The following CTNNA3 variants were observed in gnomAD, a reference collection of about 807,000 sequenced individuals.
CTNNA3 encodes catenin alpha-3.
Under a neutral mutation model 95.7 loss-of-function variants are expected in CTNNA3, and 76 were observed. The ratio of observed to expected loss-of-function variants is 0.79; its 90% confidence interval spans 0.66 to 0.96. The LOEUF (loss-of-function observed/expected upper bound fraction) is 0.96, where lower values mean the gene tolerates loss of function less well. Among genes scored for constraint, CTNNA3 ranks in the 40% least tolerant of loss-of-function variants. The pLI is 0.00. For missense variants in CTNNA3, 1,191 were observed against 1,089.8 expected, an observed-to-expected ratio of 1.09 and a Z score of -1.31; for synonymous variants, 431 against 374.4, an observed-to-expected ratio of 1.15 and a Z score of -1.74.
At chr10:66,942,001 G>T (rs1248660279) in intron 7 of CTNNA3, among the ~76,000 whole-genome samples, 1 of 152,196 alleles carries the variant, frequency 6.6e-6, no homozygotes, top group East Asian at 1.9e-4. Context: ...TAGACCTGAA[G>T]TTAAATAAAC....
At chr10:67,110,751 G>A (rs553073863) in intron 7 of CTNNA3, among the ~76,000 whole-genome samples, 1 of 151,930 alleles carries the variant, frequency 6.6e-6, no homozygotes, top group Non-Finnish European at 1.5e-5. Context: ...TTGTTGAACT[G>A]CCCAGTGTAT....
chr10:66,326,129 C>A (rs955015399), intron 12 of CTNNA3, among the ~76,000 whole-genome samples: 3 of 152,046 alleles, frequency 2.0e-5, no homozygotes, highest in Admixed American at 2.0e-4. Flanking sequence ...GAAAGTAATA[C>A]TTGGGTGTAA....
chr10:66,768,528 C>T (rs1395500624), intron 8 of CTNNA3, among the ~76,000 whole-genome samples: 2 of 152,182 alleles, frequency 1.3e-5, no homozygotes, highest in African/African-American at 2.4e-5. Flanking sequence ...TGTTAATGCT[C>T]TTCAAATGTA....
At chr10:67,180,256 G>T in intron 7 of CTNNA3, 61 bp downstream of exon 7, 2 of 1,342,774 alleles carry the variant, frequency 1.5e-6, no homozygotes, top group Non-Finnish European at 2.1e-6. Flanking sequence ...AAGTATCTCA[G>T]CCTATATTCA....
At chr10:66,152,549 C>G (rs1160101040) in intron 13 of CTNNA3, among the ~76,000 whole-genome samples, 2 of 151,842 alleles carry the variant, frequency 1.3e-5, no homozygotes, top group Non-Finnish European at 2.9e-5. Flanking sequence ...ATCAGAATGT[C>G]TTATAGACAT....
At chr10:67,721,195 T>C (rs1841178083) in intron 1 of CTNNA3, among the ~76,000 whole-genome samples, 1 of 152,324 alleles carries the variant, frequency 6.6e-6, no homozygotes, top group South Asian at 2.1e-4. Flanking sequence ...TCAATTTGAA[T>C]GTTGGCCTGT....
intron 7 of CTNNA3, among the ~76,000 whole-genome samples, chr10:67,070,672 G>A (rs551865275): frequency 1.3e-4 from 19 of 151,998 alleles, no homozygotes; most frequent in African/African-American, 3.9e-4. Flanking sequence ...GCTTGAACCC[G>A]GGAGGCGGAG....
intron 13 of CTNNA3, among the ~76,000 whole-genome samples, chr10:66,120,106 A>C (rs1255694333): frequency 6.6e-6 from 1 of 152,182 alleles, no homozygotes; most frequent in African/African-American, 2.4e-5. Flanking sequence ...TAAAAATTTT[A>C]TCTTCCTTCT....
intron 5 of CTNNA3, among the ~76,000 whole-genome samples, chr10:67,258,839 A>AC (rs1367211604): frequency 7.2e-5 from 11 of 152,186 alleles, no homozygotes; most frequent in Admixed American, 6.5e-4. Flanking sequence ...TGTCCTTCGT[A>AC]CCAGAGGGCA....
At chr10:67,268,979 A>G (rs1299614649) in intron 5 of CTNNA3, among the ~76,000 whole-genome samples, 2 of 152,230 alleles carry the variant, frequency 1.3e-5, no homozygotes, top group African/African-American at 4.8e-5. Context: ...CATTGGAAAT[A>G]GGATTTGAAC....
intron 13 of CTNNA3, among the ~76,000 whole-genome samples, chr10:66,249,332 A>G (rs932504769): frequency 6.6e-6 from 1 of 152,158 alleles, no homozygotes; most frequent in African/African-American, 2.4e-5. Context: ...CAAAGTGAAG[A>G]GACAACCACA....
intron 5 of CTNNA3, among the ~76,000 whole-genome samples, chr10:67,346,886 C>T (rs16924402): frequency 0.076 from 11,486 of 152,006 alleles, 694 homozygotes; most frequent in East Asian, 0.24. Context: ...CAGCTTGAGA[C>T]AGCAGATGTG....
intron 7 of CTNNA3, among the ~76,000 whole-genome samples, chr10:66,901,989 G>T (rs1201608977): frequency 6.6e-6 from 1 of 152,128 alleles, no homozygotes; most frequent in Non-Finnish European, 1.5e-5. Context: ...GGCTAACAAG[G>T]ATATTCATGG....
At chr10:66,321,781 T>G (rs551044398) in intron 12 of CTNNA3, among the ~76,000 whole-genome samples, 1 of 152,172 alleles carries the variant, frequency 6.6e-6, no homozygotes, top group Admixed American at 6.5e-5. Flanking sequence ...CTTTGTCCAC[T>G]GCTACGAAAA....
intron 7 of CTNNA3, among the ~76,000 whole-genome samples, chr10:66,777,723 TA>T (rs1188244567): frequency 1.4e-5 from 2 of 141,426 alleles, no homozygotes; most frequent in African/African-American, 2.7e-5. Flanking sequence ...GCAGAGATAA[TA>T]AAAAAGAGGC....
At chr10:67,264,217 G>C (rs1471287887) in intron 5 of CTNNA3, among the ~76,000 whole-genome samples, 1 of 152,086 alleles carries the variant, frequency 6.6e-6, no homozygotes, top group Non-Finnish European at 1.5e-5. Flanking sequence ...GCTCAGAAAG[G>C]GTGAGTAACT....
At chr10:66,969,539 T>C (rs1479973389) in intron 7 of CTNNA3, among the ~76,000 whole-genome samples, 3 of 152,166 alleles carry the variant, frequency 2.0e-5, no homozygotes, top group Non-Finnish European at 4.4e-5. Flanking sequence ...GCCAAATTGC[T>C]GCATCAAAAG....
intron 2 of CTNNA3, among the ~76,000 whole-genome samples, chr10:67,620,642 T>C (rs1269961445): frequency 6.6e-6 from 1 of 152,032 alleles, no homozygotes; most frequent in Non-Finnish European, 1.5e-5. Flanking sequence ...CCCCTACAAG[T>C]ACAAAAAGGA....
At chr10:66,009,360 T>C (rs991834441) in intron 15 of CTNNA3, among the ~76,000 whole-genome samples, 1 of 152,148 alleles carries the variant, frequency 6.6e-6, no homozygotes, top group Admixed American at 6.5e-5. Flanking sequence ...TAAATCCAGG[T>C]ATCTTTGATT....
Sources: gnomAD v4.1 joint callset for allele counts (sites outside exome capture counted in the v4.1 genomes callset) on GRCh38, gnomAD v4.1.1 for gene constraint, MANE v1.5 for transcripts, NCBI Gene and HGNC (gene_info 2026-07-23, HGNC 2026-07-21) for gene names.